MAGI1: variants seen among roughly 807,000 people sequenced by gnomAD.
MAGI1 encodes membrane associated guanylate kinase, WW and PDZ domain containing 1.
MAGI1 carries 58 observed loss-of-function variants against 139.9 expected under a neutral mutation model. The observed-to-expected ratio is 0.41, with a 90% CI of 0.34 to 0.52. The LOEUF is 0.52. Among genes scored for constraint, MAGI1 ranks in the 20% least tolerant of loss-of-function variants. The probability of loss-of-function intolerance (pLI) is 0.12; values close to 1 mark genes in which losing one functional copy is unlikely to be tolerated. For synonymous variants in MAGI1, 812 were observed against 737.9 expected (o/e 1.10, Z -1.63); for missense variants, 1,874 against 1,901.6 (o/e 0.99, Z 0.27).
chr3:65,943,504 G>A (rs11709845), intron 1 of MAGI1, among the ~76,000 whole-genome samples: 62,835 of 151,642 alleles, frequency 0.41, 13,618 homozygotes, highest in East Asian at 0.76. Flanking sequence ...GAACCCGGGA[G>A]GCGGAGCTTG....
intron 7 of MAGI1, among the ~76,000 whole-genome samples, chr3:65,446,352 G>A (rs1307749164): frequency 6.6e-6 from 1 of 152,216 alleles, no homozygotes. Context: ...GCTTGTCTAA[G>A]TTTGCATAGC....
At chr3:65,478,303 C>G (rs767647325) in intron 4 of MAGI1, among the ~76,000 whole-genome samples, 4 of 152,090 alleles carry the variant, frequency 2.6e-5, no homozygotes, top group Non-Finnish European at 4.4e-5. Flanking sequence ...ATACATATAT[C>G]ATTTTGAAGA....
At chr3:65,839,887 A>G (rs1559931394) in intron 1 of MAGI1, among the ~76,000 whole-genome samples, 1 of 152,222 alleles carries the variant, frequency 6.6e-6, no homozygotes, top group African/African-American at 2.4e-5. Flanking sequence ...TTGAGTCTTC[A>G]ATATATGCAA....
In MAGI1 at chr3:65,448,040, C is replaced by G; in HGVS notation, c.1060G>C (p.Glu354Gln). ...GGTTTACCTAGTTCACTGTCCAGCTCCTCGGTGTGTACCCCTTCTTCTCCA... is the reference window on the plus strand; with the variant it reads ...GGTTTACCTAGTTCACTGTCCAGCTGCTCGGTGTGTACCCCTTCTTCTCCA... ...CEDDEGVHTE[E>Q]LDSELELPAG... is the part of the protein sequence containing the mutation. Residue 354 changes from glutamate to glutamine, a missense_variant, in exon 7 of 23, where the codon GAG (glutamate) becomes CAG (glutamine). This residue lies in a region of MAGI1 where 648 missense variants were observed against 598.1 expected (regional missense o/e 1.08). Transcript: ENST00000402939. 6.2e-7 allele frequency: 1 copy of G among 1,614,126 alleles called. No individual in the cohort carries two copies. The highest frequency in any genetic ancestry group is 1.1e-5 in the South Asian group (1 of 91,084).
intron 5 of MAGI1, among the ~76,000 whole-genome samples, chr3:65,459,188 G>A (rs1007063326): frequency 6.6e-6 from 1 of 152,148 alleles, no homozygotes; most frequent in Admixed American, 6.5e-5. Flanking sequence ...GTACTGTGCT[G>A]CTTTGGTTAC....
At chr3:65,505,522 G>A (rs2077247687) in intron 2 of MAGI1, among the ~76,000 whole-genome samples, 2 of 151,794 alleles carry the variant, frequency 1.3e-5, no homozygotes, top group African/African-American at 4.8e-5. Context: ...GCACGTGCCT[G>A]TAGTCCCAGA....
At chr3:65,424,301 G>A (rs1946848870) in intron 12 of MAGI1, among the ~76,000 whole-genome samples, 1 of 152,018 alleles carries the variant, frequency 6.6e-6, no homozygotes, top group African/African-American at 2.4e-5. Context: ...TAAAGCTAGA[G>A]GATTAATCTT....
At chr3:65,443,254 C>T (rs966330483) in intron 7 of MAGI1, among the ~76,000 whole-genome samples, 1 of 152,104 alleles carries the variant, frequency 6.6e-6, no homozygotes, top group African/African-American at 2.4e-5. Flanking sequence ...GTTTCATTTT[C>T]AGTACAATAG....
At chr3:65,850,889 C>T (rs1287883466) in intron 1 of MAGI1, among the ~76,000 whole-genome samples, 1 of 151,758 alleles carries the variant, frequency 6.6e-6, no homozygotes, top group Non-Finnish European at 1.5e-5. Flanking sequence ...GGCGGATCAC[C>T]TGAGGTCAGG....
At chr3:66,020,471 G>A (rs2067902759) in intron 1 of MAGI1, among the ~76,000 whole-genome samples, 4 of 152,134 alleles carry the variant, frequency 2.6e-5, no homozygotes. Context: ...GGAGGAGGGT[G>A]AAAACAGCAG....
At chr3:65,519,870 T>C (rs1289034083) in intron 2 of MAGI1, among the ~76,000 whole-genome samples, 5 of 152,210 alleles carry the variant, frequency 3.3e-5, no homozygotes, top group African/African-American at 1.2e-4. Flanking sequence ...TGTGTTGGCC[T>C]TAGTGGCTTG....
At chr3:65,635,221 C>T (rs1484690780) in intron 1 of MAGI1, among the ~76,000 whole-genome samples, 3 of 152,044 alleles carry the variant, frequency 2.0e-5, no homozygotes, top group African/African-American at 4.8e-5. Context: ...TGTGCCACCA[C>T]ATCCAGCTAA....
chr3:65,572,648 G>A (rs373030989), intron 2 of MAGI1, among the ~76,000 whole-genome samples: 2 of 152,196 alleles, frequency 1.3e-5, no homozygotes, highest in African/African-American at 4.8e-5. Context: ...AGTAGAAGCA[G>A]CCATAGTAGT....
At chr3:66,021,298 T>C (rs72895292) in intron 1 of MAGI1, among the ~76,000 whole-genome samples, 246 of 152,310 alleles carry the variant, frequency 1.6e-3, no homozygotes, top group African/African-American at 5.7e-3. Flanking sequence ...TATTAGTCAA[T>C]GCTGTCTTTC....
intron 1 of MAGI1, among the ~76,000 whole-genome samples, chr3:65,822,552 A>G (rs1195648013): frequency 1.3e-5 from 2 of 152,132 alleles, no homozygotes; most frequent in African/African-American, 2.4e-5. Flanking sequence ...TAAATAATAA[A>G]TAAATAAAAA....
intron 1 of MAGI1, among the ~76,000 whole-genome samples, chr3:65,712,990 T>A (rs985146765): frequency 3.9e-5 from 6 of 152,188 alleles, no homozygotes; most frequent in Non-Finnish European, 7.3e-5. Context: ...TAAATATTCA[T>A]TCAGGAAGCT....
At chr3:65,616,278 A>G (rs1357040897) in intron 2 of MAGI1, among the ~76,000 whole-genome samples, 3 of 152,168 alleles carry the variant, frequency 2.0e-5, no homozygotes, top group Admixed American at 2.0e-4. Flanking sequence ...ATCACAGACA[A>G]GCCAAGGGCA....
At chr3:65,873,563 G>A (rs576898676) in intron 1 of MAGI1, 1 of 152,278 alleles carries the variant, frequency 6.6e-6, no homozygotes, top group African/African-American at 2.4e-5. Flanking sequence ...AAGGGGGACT[G>A]CTGAAATCCA....
At chr3:65,594,675 A>C (rs2082105264) in intron 2 of MAGI1, among the ~76,000 whole-genome samples, 1 of 152,208 alleles carries the variant, frequency 6.6e-6, no homozygotes, top group Admixed American at 6.5e-5. Context: ...CAACATAAGA[A>C]ATTTTTTTTT....
Sources: allele counts gnomAD v4.1 joint callset (sites outside exome capture counted in the v4.1 genomes callset), GRCh38; gene constraint gnomAD v4.1.1; regional missense constraint gnomAD v4.1.1; transcripts MANE v1.5; gene names NCBI Gene and HGNC (gene_info 2026-07-23, HGNC 2026-07-21).